BCAS3: variants seen among roughly 807,000 people sequenced by gnomAD.
BCAS3 encodes BCAS3 microtubule associated cell migration factor.
A neutral mutation model predicts 116.1 loss-of-function variants in BCAS3; 53 were observed. That is an observed-to-expected ratio of 0.46 (90% confidence interval 0.37 to 0.57). BCAS3 has a LOEUF of 0.57. BCAS3 is among the 20% of genes least tolerant of loss of function. The probability of loss-of-function intolerance (pLI) is 0.00; values close to 1 mark genes in which losing one functional copy is unlikely to be tolerated. For synonymous variants in BCAS3, 391 were observed against 408.2 expected (o/e 0.96, Z 0.51); for missense variants, 917 against 1,165.4 (o/e 0.79, Z 3.10).
At chr17:60,924,740 A>G (rs962008768) in intron 13 of BCAS3, among the ~76,000 whole-genome samples, 1 of 152,046 alleles carries the variant, frequency 6.6e-6, no homozygotes, top group Non-Finnish European at 1.5e-5. Context: ...AGCCATTTAA[A>G]CAATGCTGTT....
At chr17:60,999,353 C>T (rs1324498469) in intron 15 of BCAS3, among the ~76,000 whole-genome samples, 14 of 151,866 alleles carry the variant, frequency 9.2e-5, no homozygotes, top group Non-Finnish European at 2.1e-4. Flanking sequence ...GCCTGGCCAA[C>T]GTGGTGAAAC....
chr17:60,783,596 A>T (rs780067187), intron 6 of BCAS3, among the ~76,000 whole-genome samples: 1 of 152,238 alleles, frequency 6.6e-6, no homozygotes, highest in African/African-American at 2.4e-5. Context: ...TTTTGCTGTG[A>T]ACCTAAAACT....
chr17:61,174,097 T>C (rs2144132291), intron 22 of BCAS3, among the ~76,000 whole-genome samples: 1 of 152,346 alleles, frequency 6.6e-6, no homozygotes, highest in Non-Finnish European at 1.5e-5. Context: ...TATTTTTAAA[T>C]TTACAAATAA....
intron 6 of BCAS3, among the ~76,000 whole-genome samples, chr17:60,790,535 A>G (rs1160997424): frequency 6.6e-6 from 1 of 152,142 alleles, no homozygotes; most frequent in Non-Finnish European, 1.5e-5. Context: ...ATCAAAAGTA[A>G]TATTGTTAAC....
chr17:61,074,114 A>G (rs896715751), intron 19 of BCAS3, among the ~76,000 whole-genome samples: 88 of 116,560 alleles, frequency 7.5e-4, no homozygotes, highest in African/African-American at 3.4e-3. Context: ...ATCTCTTAAG[A>G]AAAAAAAAAA....
chr17:61,374,300 G>A (rs1380501878), intron 23 of BCAS3, among the ~76,000 whole-genome samples: 1 of 151,024 alleles, frequency 6.6e-6, no homozygotes, highest in African/African-American at 2.4e-5. Context: ...CCTCCCAAGT[G>A]GCTAGGACTA....
Position 61,162,315 on chromosome 17 carries a change from A to C in BCAS3, c.2425+77751A>C, listed in dbSNP as rs778132918. Among the ~76,000 whole-genome samples the C allele has an allele frequency of 6.6e-6, 1 of 152,148 alleles. No homozygotes were observed. The highest frequency in any genetic ancestry group is 6.5e-5 in the Admixed American group (1 of 15,274). Reference sequence around the variant, plus strand: ...GTGGGATGGGGATAGGTAGGGAATCATTTCTCAGGAGAAGGAGAGCTTGCG... The same window carrying C: ...GTGGGATGGGGATAGGTAGGGAATCCTTTCTCAGGAGAAGGAGAGCTTGCG... On this transcript the variant is annotated intron_variant, in intron 22 of 23. Transcript: ENST00000407086. This position sits in a 1 kb window ranked among gnomAD's most constrained non-coding sequence, Gnocchi z 5.6.
At chr17:60,727,105 G>T (rs151171512) in intron 5 of BCAS3, 3 of 415,968 alleles carry the variant, frequency 7.2e-6, no homozygotes, top group East Asian at 4.4e-5. Context: ...TTTCTCTCAG[G>T]TAATTTTTCT....
intron 7 of BCAS3, among the ~76,000 whole-genome samples, chr17:60,838,232 G>A (rs1003642838): frequency 1.3e-5 from 2 of 152,120 alleles, no homozygotes; most frequent in African/African-American, 4.8e-5. Context: ...AAAGCATTGT[G>A]ATTGAGGAAA....
At chr17:61,049,669 A>T (rs940310922) in intron 19 of BCAS3, among the ~76,000 whole-genome samples, 1 of 151,774 alleles carries the variant, frequency 6.6e-6, no homozygotes, top group African/African-American at 2.4e-5. Flanking sequence ...CCAGAGGAAA[A>T]GACATGTTAC....
At chr17:61,093,887 C>T (rs1344287104) in intron 22 of BCAS3, among the ~76,000 whole-genome samples, 1 of 152,196 alleles carries the variant, frequency 6.6e-6, no homozygotes, top group African/African-American at 2.4e-5. Context: ...ATTCTGGGGC[C>T]TTTGCATTTC....
Position 61,141,892 on chromosome 17 carries a change from C to T in BCAS3, c.2425+57328C>T, listed in dbSNP as rs1402206037. On this transcript the variant is annotated intron_variant, in intron 22 of 23. Coordinates refer to ENST00000407086, the MANE Select transcript of BCAS3 (RefSeq NM_017679.5). The surrounding 1 kb of genome is among the most constrained non-coding windows in gnomAD (Gnocchi z 4.3). ...CTCCAGCCTGGTGACAGAGCGAGAC[C>T]CCACCTCAAGAAAAAAAAAAAAAAA... Among the ~76,000 whole-genome samples, 26 of 128,066 alleles carry T rather than the reference C, an allele frequency of 2.0e-4. No individual in the cohort carries two copies. In the Admixed American group the frequency reaches 2.0e-3, roughly 10 times the overall value. The allele number at this position is 128,066 out of a possible 152,430, so 84.0% of individuals were successfully genotyped here. A position where few individuals can be genotyped will look rare whatever the true frequency, so the allele number is the denominator to read the frequency against.
chr17:60,920,441 C>T (rs913373243), intron 12 of BCAS3, among the ~76,000 whole-genome samples: 5 of 152,216 alleles, frequency 3.3e-5, no homozygotes, highest in African/African-American at 1.2e-4. Context: ...GACACACATA[C>T]ACTTCTTAAA....
intron 22 of BCAS3, among the ~76,000 whole-genome samples, chr17:61,160,543 CT>C (rs1180594560): frequency 6.6e-6 from 1 of 152,150 alleles, no homozygotes; most frequent in African/African-American, 2.4e-5. Context: ...TCCAACTTTG[CT>C]TTGACTGGGA....
intron 22 of BCAS3, among the ~76,000 whole-genome samples, chr17:61,114,907 A>G (rs945785703): frequency 1.3e-5 from 2 of 152,106 alleles, no homozygotes; most frequent in African/African-American, 4.8e-5. Context: ...GATCAATGGA[A>G]CAGAACAGAG....
intron 22 of BCAS3, among the ~76,000 whole-genome samples, chr17:61,184,725 G>A (rs773958091): frequency 2.2e-4 from 33 of 152,204 alleles, no homozygotes; most frequent in African/African-American, 7.9e-4. Flanking sequence ...ATCAACTGGC[G>A]AAGGGACAGA....
chr17:61,072,848 C>T (rs904641631), intron 19 of BCAS3, among the ~76,000 whole-genome samples: 8 of 152,118 alleles, frequency 5.3e-5, no homozygotes, highest in African/African-American at 1.9e-4. Flanking sequence ...AATCTTTGTA[C>T]TTAACATTCC....
In BCAS3 at chr17:60,980,318, G is replaced by A. The variant is rs185823456; in HGVS notation, c.1222-9653G>A. 3.9e-5 allele frequency among the ~76,000 whole-genome samples: 6 copies of A among 152,012 alleles called. No homozygotes were observed. The East Asian group carries it at 1.2e-3, about 29-fold the overall frequency. On this transcript the variant is annotated intron_variant, in intron 14 of 23. Coordinates refer to ENST00000407086, the MANE Select transcript of BCAS3 (RefSeq NM_017679.5). ...AAACTTATCATCTTTTTTTATTTTA[G>A]CCATTCTTTTCGGTATGAAGTGGTA...
At chr17:61,296,569 T>A (rs528570625) in intron 22 of BCAS3, among the ~76,000 whole-genome samples, 2 of 152,226 alleles carry the variant, frequency 1.3e-5, no homozygotes, top group Admixed American at 6.5e-5. Context: ...TTCTTTCCTG[T>A]CCCTCTTGCA....
Sources: allele counts gnomAD v4.1 joint callset (sites outside exome capture counted in the v4.1 genomes callset), GRCh38; gene constraint gnomAD v4.1.1; non-coding constraint Gnocchi (gnomAD v3.1); transcripts MANE v1.5; gene names NCBI Gene and HGNC (gene_info 2026-07-23, HGNC 2026-07-21).